Variants in MEIKIN observed in about 807,000 individuals in gnomAD.
MEIKIN encodes the protein meiotic kinetochore factor.
At position 131,823,301 on chromosome 5, in the gene MEIKIN, C is replaced by G. The variant is rs530392045; in HGVS notation, c.976-4438G>C. Among the ~76,000 whole-genome samples the G allele has an allele frequency of 3.9e-4, 60 of 152,082 alleles. 1 individual carries two copies. Among genetic ancestry groups the G allele is most frequent in the Admixed American group, 1.5e-3 (23 of 15,268 alleles). ...TCTACCCTATCTCTTTCTCTACCTC[C>G]TCTTTAAGACCAATAACTCTTGGGT... On this transcript the variant is annotated intron_variant, in intron 11 of 12. Transcript: ENST00000442687.
intron 9 of MEIKIN, among the ~76,000 whole-genome samples, chr5:131,867,852 T>C (rs1156921456): frequency 2.6e-5 from 4 of 152,236 alleles, no homozygotes; most frequent in African/African-American, 9.6e-5. Context: ...GCATACTTTG[T>C]GTGGATACAA....
chr5:131,906,139 A>C (rs1259287172), intron 8 of MEIKIN, among the ~76,000 whole-genome samples: 1 of 152,232 alleles, frequency 6.6e-6, no homozygotes, highest in African/African-American at 2.4e-5. Context: ...CAAAGGTCTA[A>C]TATCAGAATC....
At chr5:131,843,169 C>A (rs1749948368) in intron 11 of MEIKIN, among the ~76,000 whole-genome samples, 1 of 152,252 alleles carries the variant, frequency 6.6e-6, no homozygotes, top group South Asian at 2.1e-4. Context: ...GCAGCAAGGC[C>A]CTGGGCCTGG....
At chr5:131,873,095 G>A (rs971707743) in intron 9 of MEIKIN, among the ~76,000 whole-genome samples, 60 of 152,196 alleles carry the variant, frequency 3.9e-4, no homozygotes, top group African/African-American at 1.3e-3. Context: ...ATCAACTAAC[G>A]AGCAAAATAG....
At chr5:131,834,058 T>C (rs1221237135) in intron 11 of MEIKIN, among the ~76,000 whole-genome samples, 2 of 152,198 alleles carry the variant, frequency 1.3e-5, no homozygotes, top group Non-Finnish European at 2.9e-5. Context: ...TGATGAAAGA[T>C]AACTGGTAGT....
chr5:131,810,252 G>A (rs1030020139), intron 12 of MEIKIN, among the ~76,000 whole-genome samples: 4 of 152,030 alleles, frequency 2.6e-5, no homozygotes, highest in South Asian at 2.1e-4. Context: ...GTTAAAGGCC[G>A]TGATTCTACA....
intron 11 of MEIKIN, among the ~76,000 whole-genome samples, chr5:131,828,656 G>C (rs1399217992): frequency 6.6e-6 from 1 of 152,018 alleles, no homozygotes; most frequent in Admixed American, 6.6e-5. Flanking sequence ...CCCAAACCAA[G>C]GTGCTTATTT....
intron 8 of MEIKIN, among the ~76,000 whole-genome samples, chr5:131,902,231 G>T (rs764868482): frequency 6.6e-6 from 1 of 152,194 alleles, no homozygotes; most frequent in African/African-American, 2.4e-5. Context: ...TCAGGGGTTC[G>T]AGACCAGCCT....
At chr5:131,893,848 G>C (rs1750984025) in intron 8 of MEIKIN, among the ~76,000 whole-genome samples, 1 of 152,120 alleles carries the variant, frequency 6.6e-6, no homozygotes, top group Admixed American at 6.6e-5. Flanking sequence ...TCTGATGGTA[G>C]TTTCCTTCAC....
intron 4 of MEIKIN, among the ~76,000 whole-genome samples, chr5:131,938,049 AACT>A (rs1251716782): frequency 3.3e-5 from 5 of 152,054 alleles, no homozygotes; most frequent in Non-Finnish European, 7.4e-5. Flanking sequence ...ATAATGTCTG[AACT>A]ACTGTTTTTG....
chr5:131,864,823 T>C (rs1750355872), intron 9 of MEIKIN, among the ~76,000 whole-genome samples: 1 of 152,230 alleles, frequency 6.6e-6, no homozygotes, highest in African/African-American at 2.4e-5. Context: ...ACCCTTTCAT[T>C]TTCTCTTTGC....
chr5:131,824,197 G>A (rs1407705107), intron 11 of MEIKIN, among the ~76,000 whole-genome samples: 2 of 152,086 alleles, frequency 1.3e-5, no homozygotes, highest in Admixed American at 1.3e-4. Flanking sequence ...TCTCAAGGAT[G>A]AACAAGCAAC....
At chr5:131,846,229 G>A (rs1447087224) in intron 11 of MEIKIN, among the ~76,000 whole-genome samples, 1 of 152,202 alleles carries the variant, frequency 6.6e-6, no homozygotes, top group Non-Finnish European at 1.5e-5. Context: ...AAACAAAGCT[G>A]AGGGAGGTAG....
At chr5:131,915,485 C>T (rs562522975) in intron 7 of MEIKIN, among the ~76,000 whole-genome samples, 1 of 152,150 alleles carries the variant, frequency 6.6e-6, no homozygotes, top group East Asian at 1.9e-4. Flanking sequence ...GCCCCTATTC[C>T]TAAACACTTA....
At chr5:131,940,779 C>T (rs1751855536) in intron 4 of MEIKIN, among the ~76,000 whole-genome samples, 1 of 152,190 alleles carries the variant, frequency 6.6e-6, no homozygotes, top group Non-Finnish European at 1.5e-5. Flanking sequence ...CCAGTGTCCA[C>T]ACTGGAAGTC....
At chr5:131,836,894 T>C (rs1438940944) in intron 11 of MEIKIN, among the ~76,000 whole-genome samples, 1 of 152,196 alleles carries the variant, frequency 6.6e-6, no homozygotes, top group Non-Finnish European at 1.5e-5. Context: ...CAGTCTTTAG[T>C]TTCATTAGAT....
intron 11 of MEIKIN, among the ~76,000 whole-genome samples, chr5:131,850,899 G>T (rs967261800): frequency 6.6e-6 from 1 of 151,772 alleles, no homozygotes; most frequent in African/African-American, 2.4e-5. Context: ...TGTGAGCCTT[G>T]ACTGCACCCT....
intron 11 of MEIKIN, among the ~76,000 whole-genome samples, chr5:131,838,839 T>C (rs1289124089): frequency 6.6e-6 from 1 of 152,160 alleles, no homozygotes; most frequent in Admixed American, 6.6e-5. Context: ...TGGTTTTTCA[T>C]GACTCAATCT....
intron 9 of MEIKIN, among the ~76,000 whole-genome samples, chr5:131,875,842 A>T (rs1203453254): frequency 2.6e-5 from 4 of 152,308 alleles, no homozygotes; most frequent in Admixed American, 6.5e-5. Context: ...ATAATGTCGC[A>T]TATCTACAAC....
Sources: allele counts gnomAD v4.1 joint callset (sites outside exome capture counted in the v4.1 genomes callset), GRCh38; gene constraint gnomAD v4.1.1; transcripts MANE v1.5; gene names NCBI Gene and HGNC (gene_info 2026-07-23, HGNC 2026-07-21).